THRB: variants seen among roughly 807,000 people sequenced by gnomAD.
THRB encodes the protein nuclear receptor subfamily 1 group A member 2.
THRB carries 12 observed loss-of-function variants against 47.8 expected under a neutral mutation model. The observed-to-expected ratio is 0.25, with a 90% CI of 0.16 to 0.41. The LOEUF is 0.41. Among genes scored for constraint, THRB ranks in the 10% least tolerant of loss-of-function variants. The probability of loss-of-function intolerance (pLI) is 1.00; values close to 1 mark genes in which losing one functional copy is unlikely to be tolerated. For synonymous variants in THRB, 218 were observed against 212.2 expected, an observed-to-expected ratio of 1.03 and a Z score of -0.24; for missense variants, 348 against 589.2, an observed-to-expected ratio of 0.59 and a Z score of 4.24.
chr3:24,402,703 A>C (rs1316239785), intron 1 of THRB, among the ~76,000 whole-genome samples: 4 of 152,122 alleles, frequency 2.6e-5, no homozygotes, highest in Non-Finnish European at 5.9e-5. Context: ...CCTATCATTA[A>C]ACATCTAGAA....
chr3:24,162,686 C>CA (rs368706028), intron 5 of THRB, among the ~76,000 whole-genome samples: 5,283 of 120,494 alleles, frequency 0.044, 177 homozygotes, highest in East Asian at 0.073. Flanking sequence ...GCTATGAATG[C>CA]AAAAAAAAAA....
intron 8 of THRB, among the ~76,000 whole-genome samples, chr3:24,141,174 G>A (rs1056521823): frequency 4.6e-5 from 7 of 152,224 alleles, no homozygotes; most frequent in African/African-American, 1.2e-4. Flanking sequence ...GTAATCTCAT[G>A]GTTCTGACAG....
chr3:24,397,759 AT>A (rs1310688600), intron 1 of THRB, among the ~76,000 whole-genome samples: 1 of 151,724 alleles, frequency 6.6e-6, no homozygotes, highest in Non-Finnish European at 1.5e-5. Context: ...ATTTTTTTGT[AT>A]TTTTAGTAGA....
chr3:24,443,619 G>T (rs2071765925), intron 1 of THRB, among the ~76,000 whole-genome samples: 1 of 152,102 alleles, frequency 6.6e-6, no homozygotes, highest in South Asian at 2.1e-4. Flanking sequence ...GGCCAAGTAG[G>T]CTTTGGTCCA....
intron 3 of THRB, among the ~76,000 whole-genome samples, chr3:24,260,984 A>G (rs1470552499): frequency 1.3e-5 from 2 of 152,140 alleles, no homozygotes; most frequent in African/African-American, 4.8e-5. Flanking sequence ...AGGGCCTGAA[A>G]ATTAGCATTT....
At chr3:24,268,967 G>T in intron 3 of THRB, among the ~76,000 whole-genome samples, 1 of 152,052 alleles carries the variant, frequency 6.6e-6, no homozygotes, top group East Asian at 1.9e-4. Context: ...CCCCTTCTGG[G>T]TAGGCACCAT....
Position 24,122,756 on chromosome 3 carries a change from G to T in THRB, c.*128C>A. 7.4e-7 allele frequency: 1 copy of T among 1,348,112 alleles called. No individual in the cohort carries two copies. Among genetic ancestry groups the T allele is most frequent in the Non-Finnish European group, 1.1e-6 (1 of 948,900 alleles). The allele number at this position is 1,348,112 out of a possible 1,614,324, so 83.5% of individuals were successfully genotyped here. A position where few individuals can be genotyped will look rare whatever the true frequency, so the allele number is the denominator to read the frequency against. ...GCAATTTCATCCATGTCTATGCCAAGGACTACTTCCCTTTTCCCTCCCAAA... is the reference window on the plus strand; with the variant it reads ...GCAATTTCATCCATGTCTATGCCAATGACTACTTCCCTTTTCCCTCCCAAA... On this transcript the variant is annotated 3_prime_UTR_variant, in exon 11 of 11. Coordinates refer to ENST00000646209, the MANE Select transcript of THRB (RefSeq NM_001354712.2).
At chr3:24,444,726 C>G (rs534863823) in intron 1 of THRB, among the ~76,000 whole-genome samples, 1 of 152,192 alleles carries the variant, frequency 6.6e-6, no homozygotes, top group South Asian at 2.1e-4. Context: ...TAGCTGGATA[C>G]AGGCGTGTGC....
intron 3 of THRB, among the ~76,000 whole-genome samples, chr3:24,249,024 C>A (rs975861791): frequency 6.6e-6 from 1 of 152,144 alleles, no homozygotes; most frequent in South Asian, 2.1e-4. Context: ...TGGATCCTGA[C>A]TGCTGCATGT....
chr3:24,435,571 C>T (rs540209337), intron 1 of THRB, among the ~76,000 whole-genome samples: 3 of 152,108 alleles, frequency 2.0e-5, no homozygotes, highest in African/African-American at 4.8e-5. Flanking sequence ...ATACCTCTCA[C>T]GACATTTGAC....
intron 1 of THRB, among the ~76,000 whole-genome samples, chr3:24,438,451 T>A (rs1472984007): frequency 6.6e-6 from 1 of 152,300 alleles, no homozygotes; most frequent in South Asian, 2.1e-4. Flanking sequence ...ATGACGCCTA[T>A]CTTTTTATCT....
chr3:24,237,736 T>C (rs1294411999), intron 3 of THRB, among the ~76,000 whole-genome samples: 1 of 152,152 alleles, frequency 6.6e-6, no homozygotes, highest in East Asian at 1.9e-4. Context: ...ATGGTAGTAT[T>C]CTATACCCTT....
chr3:24,181,157 C>T (rs1245811010), intron 5 of THRB, among the ~76,000 whole-genome samples: 1 of 152,144 alleles, frequency 6.6e-6, no homozygotes, highest in South Asian at 2.1e-4. Context: ...TATCCTGGAA[C>T]TGGTCTTATG....
intron 1 of THRB, among the ~76,000 whole-genome samples, chr3:24,398,835 C>A (rs1271463453): frequency 6.6e-6 from 1 of 152,052 alleles, no homozygotes; most frequent in Non-Finnish European, 1.5e-5. Context: ...ACCCAAATGT[C>A]CAACAATGAT....
At chr3:24,344,842 A>C (rs1022770180) in intron 1 of THRB, among the ~76,000 whole-genome samples, 1 of 152,070 alleles carries the variant, frequency 6.6e-6, no homozygotes, top group African/African-American at 2.4e-5. Flanking sequence ...TAATCTGCTA[A>C]ATTGATTTCA....
intron 5 of THRB, among the ~76,000 whole-genome samples, chr3:24,182,512 T>A (rs1211757047): frequency 1.3e-5 from 2 of 152,208 alleles, no homozygotes; most frequent in African/African-American, 4.8e-5. Flanking sequence ...CTTTAGAAAC[T>A]TCAATCCTGC....
intron 5 of THRB, among the ~76,000 whole-genome samples, chr3:24,160,595 G>C (rs2038660451): frequency 6.6e-6 from 1 of 152,186 alleles, no homozygotes; most frequent in Non-Finnish European, 1.5e-5. Flanking sequence ...ACCAAGGACA[G>C]CGCACGGGAA....
intron 1 of THRB, among the ~76,000 whole-genome samples, chr3:24,355,769 T>C (rs1376644943): frequency 6.6e-6 from 1 of 151,732 alleles, no homozygotes; most frequent in Non-Finnish European, 1.5e-5. Context: ...ATACGTATAT[T>C]AGTAAAAACA....
chr3:24,178,787 CAGAT>C (rs1266571530), intron 5 of THRB, among the ~76,000 whole-genome samples: 1 of 152,044 alleles, frequency 6.6e-6, no homozygotes, highest in Non-Finnish European at 1.5e-5. Context: ...GTAGGTAGAA[CAGAT>C]AGATGTTCGT....
Sources: allele counts gnomAD v4.1 joint callset (sites outside exome capture counted in the v4.1 genomes callset), GRCh38; gene constraint gnomAD v4.1.1; transcripts MANE v1.5; gene names NCBI Gene and HGNC (gene_info 2026-07-23, HGNC 2026-07-21).